PCBD1: variants seen among roughly 807,000 people sequenced by gnomAD.
The protein encoded by PCBD1 is pterin-4 alpha-carbinolamine dehydratase 1.
In PCBD1, 16 loss-of-function variants were observed where a neutral mutation model predicts 12.6. That is an observed-to-expected ratio of 1.27 (90% CI 0.86 to 1.93). The LOEUF is 1.93. Among genes scored for constraint, PCBD1 ranks in the 30% most tolerant of loss-of-function variants. The probability of loss-of-function intolerance (pLI) is 0.00; values close to 1 mark genes in which losing one functional copy is unlikely to be tolerated. For missense variants in PCBD1, 86 were observed against 130.1 expected (o/e 0.66, Z 1.65); for synonymous variants, 53 against 50.2 (o/e 1.05, Z -0.23).
intron 3 of PCBD1, 145 bp downstream of exon 3, chr10:70,885,007 A>T: frequency 8.1e-6 from 6 of 741,766 alleles, no homozygotes; most frequent in Non-Finnish European, 1.5e-5. Context: ...GGCATGTGCA[A>T]TCTCAGTGAG....
chr10:70,883,973 G>T lies in PCBD1; in HGVS notation c.292C>A (p.Gln98Lys). The T allele has an allele frequency of 1.2e-6, 2 of 1,614,068 alleles. No individual in the cohort carries two copies. The highest frequency in any genetic ancestry group is 8.5e-7 in the Non-Finnish European group (1 of 1,180,014). The change falls in exon 4 of 4, where the codon CAA (glutamine) becomes AAA (lysine). Residue 98 changes from glutamine to lysine, a missense_variant. Gln to Lys is a moderately conservative substitution (Grantham distance 53, BLOSUM62 1). Coordinates refer to ENST00000299299, the MANE Select transcript of PCBD1 (RefSeq NM_000281.4). The stretch of plus-strand genomic sequence containing the variant: ...GTCTATGTCATGGACACTGCTACTT[G>T]TTCGATGAAGCTGGCCAGGTTTATG... ...RDINLASFIE[Q>K]VAVSMT
chr10:70,884,048 C>T lies in PCBD1; in HGVS notation c.217G>A (p.Val73Ile). ...HPEWFNVYNK[V>I]HITLSTHECA... The stretch of plus-strand genomic sequence containing the variant: ...TCATGGGTGCTCAGCGTGATGTGGA[C>T]CTGAAATGAAACCAGAAATTCTGCT... Residue 73 changes from valine (V) to isoleucine (I), a missense_variant and splice_region_variant, in exon 4 of 4, where the codon GTC (valine) becomes ATC (isoleucine). Coordinates refer to ENST00000299299, the MANE Select transcript of PCBD1 (RefSeq NM_000281.4). 1 of 1,613,790 alleles carries T rather than the reference C, an allele frequency of 6.2e-7. No individual in the cohort carries two copies. Among genetic ancestry groups the T allele is most frequent in the South Asian group, 1.1e-5 (1 of 90,906 alleles).
Position 70,883,734 on chromosome 10 carries a change from G to T in PCBD1, c.*216C>A. The T allele has an allele frequency of 2.1e-6, 3 of 1,421,796 alleles. No homozygotes were observed. The highest frequency in any genetic ancestry group is 2.8e-6 in the Non-Finnish European group (3 of 1,088,458). The allele number at this position is 1,421,796 out of a possible 1,614,324, so 88.1% of individuals were successfully genotyped here. On this transcript the variant is annotated 3_prime_UTR_variant, in exon 4 of 4. Coordinates refer to ENST00000299299, the MANE Select transcript of PCBD1 (RefSeq NM_000281.4). ...AGTTTATTCAAATTAGTGTAACAGA[G>T]CCCCCAGGATGAAGAGAGTGGTGCA... is the stretch of plus-strand genomic sequence containing the variant.
chr10:70,885,912 C>T lies in PCBD1; in HGVS notation c.21G>A (p.Arg7=). The change falls in exon 2 of 4, where the codon AGG becomes AGA. Residue 7 remains arginine (R), a synonymous_variant. Transcript: ENST00000299299. The part of the protein sequence containing the change: MAGKAH[R]LSAEERDQLL... ...GCTGGTCCCTCTCCTCAGCGCTCAG[C>T]CTGTGTGCTTTGCCAGCCTAGAAGA... 6.2e-7 allele frequency: 1 copy of T among 1,613,972 alleles called. No homozygotes were observed. The highest frequency in any genetic ancestry group is 1.1e-5 in the South Asian group (1 of 91,018).
In PCBD1 at chr10:70,886,002, T is replaced by A; in HGVS notation, c.4-73A>T. 4.5e-6 allele frequency: 7 copies of A among 1,569,436 alleles called. No individual in the cohort carries two copies. In the South Asian group the frequency reaches 7.9e-5, roughly 18 times the overall value. ...GTCAAAACAGAGGGGCTCCAACCTTTAGGGGAACTTAGCTTCCACTGGCTG... is the reference window on the plus strand; with the variant it reads ...GTCAAAACAGAGGGGCTCCAACCTTAAGGGGAACTTAGCTTCCACTGGCTG... On this transcript the variant is annotated intron_variant, in intron 1 of 3. Transcript: ENST00000299299.
intron 2 of PCBD1, 116 bp downstream of exon 2, chr10:70,885,682 G>A: frequency 2.3e-6 from 3 of 1,289,364 alleles, no homozygotes; most frequent in South Asian, 1.2e-5. Flanking sequence ...CCAAATAACT[G>A]GATGAGTGTG....
At chr10:70,886,606 C>T (rs7900028) in intron 1 of PCBD1, among the ~76,000 whole-genome samples, 34,132 of 152,172 alleles carry the variant, frequency 0.22, 4,197 homozygotes, top group East Asian at 0.35. Context: ...TGCAGCTGAC[C>T]GCCGTTGGCA....
chr10:70,882,567 C>T (rs758193216), downstream of PCBD1: 4 of 152,262 alleles, frequency 2.6e-5, no homozygotes, highest in Admixed American at 6.5e-5. Flanking sequence ...GGCAGGAGGA[C>T]TTCCCTTTTA....
intron 1 of PCBD1, chr10:70,888,116 C>T (rs1230852481): frequency 6.1e-6 from 1 of 163,100 alleles, no homozygotes; most frequent in South Asian, 1.9e-4. Flanking sequence ...GGGCAGCGGA[C>T]AGGCACGCAC....
In PCBD1 at chr10:70,886,070, T is replaced by C. The variant is rs888020726; in HGVS notation, c.4-141A>G. 3 of 1,173,200 alleles carry C rather than the reference T, an allele frequency of 2.6e-6. No individual in the cohort carries two copies. The South Asian group carries it at 3.9e-5, about 15-fold the overall frequency. The allele number at this position is 1,173,200 out of a possible 1,614,324, so 72.7% of individuals were successfully genotyped here. On this transcript the variant is annotated intron_variant, in intron 1 of 3. Transcript: ENST00000299299. ...CAAAGGGCAGCAGGTCTTTGAGCAA[T>C]AGGCTGGGAGGCCTCAAGGGTGGCA... is the stretch of plus-strand genomic sequence containing the variant.
intron 1 of PCBD1, 112 bp downstream of exon 1, chr10:70,888,419 C>G: frequency 8.1e-7 from 1 of 1,240,762 alleles, no homozygotes; most frequent in South Asian, 1.6e-5. Flanking sequence ...CGGACCCCGG[C>G]GGCTCCGCAG....
rs769110552 is a variant in PCBD1 at position 70,885,821 on chromosome 10, AC to A, written c.111del (p.Gln37HisfsTer14). 3.0e-5 allele frequency: 49 copies of A among 1,613,876 alleles called. No homozygotes were observed. The highest frequency in any genetic ancestry group is 4.1e-5 in the Non-Finnish European group (48 of 1,179,996). Reference protein sequence around the residue: ...ELEGRDAIFKQFHFKDFNRAF... With the variant: ...ELEGRDAIFKXFHFKDFNRAF... ...ACCCTGTTGAAGTCTTTGAAATGAA[AC>A]TGCTTGAAGATGGCATCACGGCCTT... is the stretch of plus-strand genomic sequence containing the variant. On this transcript the variant is annotated frameshift_variant, in exon 2 of 4. Transcript: ENST00000299299. LOFTEE classifies it high-confidence loss of function.
At chr10:70,883,502 G>C (rs1015232330), downstream of PCBD1, 5 of 1,072,294 alleles carry the variant, frequency 4.7e-6, no homozygotes, top group African/African-American at 8.3e-5. Context: ...AGTTTCTAGA[G>C]CCTGAGACCA....
At position 70,885,867 on chromosome 10, in the gene PCBD1, A is replaced by G; in HGVS notation, c.66T>C (p.Ala22=). ...GGCCTTCCAGCTCATTCCACCCCAC[A>G]GCCCTCAGGTTTGGCAGCAGCTGGT... The part of the protein sequence containing the change: ...ERDQLLPNLR[A]VGWNELEGRD... The change falls in exon 2 of 4, where the codon GCT becomes GCC. Residue 22 remains alanine (A), a synonymous_variant. Transcript: ENST00000299299. 6.2e-7 allele frequency: 1 copy of G among 1,614,034 alleles called. No homozygotes were observed. The highest frequency in any genetic ancestry group is 1.7e-5 in the Admixed American group (1 of 60,020).
Position 70,884,013 on chromosome 10 carries a change from G to GTGAGCAC in PCBD1, c.251_252insGTGCTCA (p.Leu85CysfsTer30), listed in dbSNP as rs1846541945. On this transcript the variant is annotated frameshift_variant, in exon 4 of 4. Coordinates refer to ENST00000299299, the MANE Select transcript of PCBD1 (RefSeq NM_000281.4). LOFTEE classifies it high-confidence loss of function. ...CCAGGTTTATGTCCCGTTCTGAAAGGCCGGCACACTCATGGGTGCTCAGCG... is the reference window on the plus strand; with the variant it reads ...CCAGGTTTATGTCCCGTTCTGAAAGGTGAGCACCCGGCACACTCATGGGTGCTCAGCG... The GTGAGCAC allele has an allele frequency of 7.4e-6, 12 of 1,613,970 alleles. No individual in the cohort carries two copies. Among genetic ancestry groups the GTGAGCAC allele is most frequent in the Non-Finnish European group, 1.0e-5 (12 of 1,180,024 alleles).
At chr10:70,882,544 C>T (rs1318511321), downstream of PCBD1, 1 of 152,266 alleles carries the variant, frequency 6.6e-6, no homozygotes, top group Admixed American at 6.5e-5. Context: ...AATGTCCCAC[C>T]TCAAGGCAGT....
At chr10:70,887,880 T>C (rs1052234405) in intron 1 of PCBD1, 1 of 152,052 alleles carries the variant, frequency 6.6e-6, no homozygotes, top group Non-Finnish European at 1.5e-5. Context: ...GGACCAGAAA[T>C]GGTCTGATGA....
rs866982545 is a variant in PCBD1, at chr10:70,884,095, C to A, written c.217-47G>T. On this transcript the variant is annotated intron_variant, in intron 3 of 3. Transcript: ENST00000299299. Reference sequence around the variant, plus strand: ...TGCTTCCACTGACTTCACTTAAGAACAGGAGGGAGTCACTAGCTGCTGGGC... The same window carrying A: ...TGCTTCCACTGACTTCACTTAAGAAAAGGAGGGAGTCACTAGCTGCTGGGC... 3 of 1,591,154 alleles carry A rather than the reference C, an allele frequency of 1.9e-6. No individual in the cohort carries two copies. The Admixed American group carries it at 5.2e-5, about 28-fold the overall frequency.
Position 70,883,819 on chromosome 10 carries a change from T to G in PCBD1, c.*131A>C. The G allele has an allele frequency of 3.3e-6, 5 of 1,532,192 alleles. No homozygotes were observed. Among genetic ancestry groups the G allele is most frequent in the Non-Finnish European group, 4.4e-6 (5 of 1,140,594 alleles). 94.9% of individuals were successfully genotyped at this position (1,532,192 alleles called of 1,614,324 possible). A position where few individuals can be genotyped will look rare whatever the true frequency, so the allele number is the denominator to read the frequency against. The stretch of plus-strand genomic sequence containing the variant: ...CACTGGCACATCCCACAGCAAGGAC[T>G]CAGCCCTCAACGGCGGCGGCTGGGT... On this transcript the variant is annotated 3_prime_UTR_variant, in exon 4 of 4. Transcript: ENST00000299299.
Sources: allele counts gnomAD v4.1 joint callset (sites outside exome capture counted in the v4.1 genomes callset), GRCh38; gene constraint gnomAD v4.1.1; transcripts MANE v1.5; gene names NCBI Gene and HGNC (gene_info 2026-07-23, HGNC 2026-07-21).